The following WNK1 variants were observed in gnomAD, a reference collection of about 807,000 sequenced individuals.
WNK1 encodes the protein serine/threonine-protein kinase WNK1.
A neutral mutation model predicts 222.8 loss-of-function variants in WNK1; 38 were observed. That is an observed-to-expected ratio of 0.17 (90% confidence interval 0.13 to 0.22). The LOEUF (loss-of-function observed/expected upper bound fraction) is 0.22, where lower values mean the gene tolerates loss of function less well. Ranked by LOEUF, WNK1 falls within the 10% of genes least tolerant of loss-of-function variation. WNK1 has a pLI of 1.00. For missense variants in WNK1, 2,348 were observed against 2,918.4 expected (o/e 0.80, Z 4.50); for synonymous variants, 1,090 against 1,092.9 (o/e 1.00, Z 0.05).
At chr12:878,510 T>G (rs1167287452) in intron 10 of WNK1, 149 bp downstream of exon 10, 1 of 873,452 alleles carries the variant, frequency 1.1e-6, no homozygotes, top group African/African-American at 1.7e-5. Context: ...TTAATCTCAT[T>G]GCAGAAATGA....
At chr12:868,498 T>TC (rs1252333833) in intron 8 of WNK1, 3 of 1,613,852 alleles carry the variant, frequency 1.9e-6, no homozygotes, top group Admixed American at 3.3e-5. Context: ...GTCCGGGATC[T>TC]CCCCTCTCTA....
chr12:884,787 A>T lies in WNK1; in HGVS notation c.3983A>T (p.His1328Leu). 1 of 1,614,174 alleles carries T rather than the reference A, an allele frequency of 6.2e-7. No homozygotes were observed. Among genetic ancestry groups the T allele is most frequent in the Non-Finnish European group, 8.5e-7 (1 of 1,180,028 alleles). Residue 1328 changes from histidine (H) to leucine (L), a missense_variant, in exon 19 of 28, where the codon CAT (histidine) becomes CTT (leucine). Physicochemically the swap from His to Leu is moderately conservative, Grantham distance 99. This residue lies in a region of WNK1 where 1,144 missense variants were observed against 1,273.6 expected (regional missense o/e 0.90). Coordinates refer to ENST00000315939, the MANE Select transcript of WNK1 (RefSeq NM_018979.4). The surrounding 1 kb of genome is among the most constrained non-coding windows in gnomAD (Gnocchi z 5.6). ...GPNTAPPNFS[H>L]TGPTFPVVPP... The stretch of plus-strand genomic sequence containing the variant: ...AACACAGCACCTCCAAACTTTAGTC[A>T]TACAGGACCAACATTTCCAGTAGTA...
chr12:757,463 GT>G (rs1940288970), intron 1 of WNK1, among the ~76,000 whole-genome samples: 1 of 151,644 alleles, frequency 6.6e-6, no homozygotes, highest in South Asian at 2.1e-4. Context: ...GTAGCTGGGA[GT>G]ACAGGCGCAC....
At chr12:829,599 A>G (rs1948637607) in intron 3 of WNK1, among the ~76,000 whole-genome samples, 1 of 152,162 alleles carries the variant, frequency 6.6e-6, no homozygotes, top group South Asian at 2.1e-4. Flanking sequence ...TAAACCCATC[A>G]TCTTATCTTA....
Position 865,122 on chromosome 12 carries a change from C to G in WNK1, c.2139+2852C>G, listed in dbSNP as rs786205473. The G allele has an allele frequency of 1.1e-5, 17 of 1,519,108 alleles. No homozygotes were observed. The highest frequency in any genetic ancestry group is 1.5e-5 in the Non-Finnish European group (17 of 1,137,014). The allele number at this position is 1,519,108 out of a possible 1,614,324, so 94.1% of individuals were successfully genotyped here. ...GTTTTGTGTTGAGCCTCGTCGTGGC[C>G]GTAGCATGTCGGTTTGTGTTCCCAT... On this transcript the variant is annotated intron_variant, in intron 8 of 27. Transcript: ENST00000315939.
intron 1 of WNK1, among the ~76,000 whole-genome samples, chr12:799,378 G>C (rs559213167): frequency 6.6e-6 from 1 of 151,502 alleles, no homozygotes; most frequent in African/African-American, 2.4e-5. Flanking sequence ...CAATCTGGCT[G>C]CCTTGGCCTC....
intron 1 of WNK1, among the ~76,000 whole-genome samples, chr12:758,725 C>T (rs61916728): frequency 0.021 from 3,143 of 147,048 alleles, 392 homozygotes; most frequent in Middle Eastern, 0.039. Context: ...TGAGAATCAG[C>T]GTAACTTTCC....
chr12:842,915 T>A (rs1393405777), intron 4 of WNK1, among the ~76,000 whole-genome samples: 1 of 152,000 alleles, frequency 6.6e-6, no homozygotes, highest in Admixed American at 6.6e-5. Context: ...GCTAACAGAC[T>A]CAAGTGATTT....
intron 2 of WNK1, among the ~76,000 whole-genome samples, chr12:821,282 C>T (rs572159104): frequency 7.9e-5 from 12 of 152,050 alleles, no homozygotes; most frequent in East Asian, 1.9e-4. Context: ...ACATTAATAA[C>T]GGTGTTAGTC....
intron 23 of WNK1, 64 bp from the exon 24 acceptor site, chr12:896,007 A>G: frequency 6.2e-7 from 1 of 1,603,064 alleles, no homozygotes; most frequent in Non-Finnish European, 8.5e-7. Flanking sequence ...CCTTTTTTAA[A>G]TTGTCTGTGA....
intron 25 of WNK1, among the ~76,000 whole-genome samples, chr12:899,076 C>T (rs956908901): frequency 6.6e-6 from 1 of 152,138 alleles, no homozygotes; most frequent in African/African-American, 2.4e-5. Flanking sequence ...TAGAGAGTTT[C>T]TAATCCTTTG....
At position 896,553 on chromosome 12, in the gene WNK1, T is replaced by A; in HGVS notation, c.6066T>A (p.Asp2022Glu). The change falls in exon 24 of 28, where the codon GAT (aspartate) becomes GAA (glutamate). Residue 2022 changes from aspartate to glutamate, a missense_variant. Coordinates refer to ENST00000315939, the MANE Select transcript of WNK1 (RefSeq NM_018979.4). ...SDPEAAFLSR[D>E]VDDGSGSPHS... is the part of the protein sequence containing the mutation. ...CGGAGGCCGCTTTTTTAAGTAGGGA[T>A]GTGGATGATGGTTCCGGTAGTCCAC... is the stretch of plus-strand genomic sequence containing the variant. 1 of 1,613,162 alleles carries A rather than the reference T, an allele frequency of 6.2e-7. No homozygotes were observed. The highest frequency in any genetic ancestry group is 1.1e-5 in the South Asian group (1 of 91,014).
intron 2 of WNK1, among the ~76,000 whole-genome samples, chr12:816,968 AAG>A (rs1233564374): frequency 6.6e-6 from 1 of 152,214 alleles, no homozygotes; most frequent in Non-Finnish European, 1.5e-5. Flanking sequence ...TTGAAGGAAA[AAG>A]ACACCAAAGA....
rs1409457396 is a variant in WNK1, at chr12:861,033, T to C, written c.1641T>C (p.Cys547=). 1 of 1,613,520 alleles carries C rather than the reference T, an allele frequency of 6.2e-7. No homozygotes were observed. The highest frequency in any genetic ancestry group is 8.5e-7 in the Non-Finnish European group (1 of 1,179,924). The change falls in exon 7 of 28, where the codon TGT becomes TGC. Residue 547 remains cysteine (C), a synonymous_variant. Coordinates refer to ENST00000315939, the MANE Select transcript of WNK1 (RefSeq NM_018979.4). The part of the protein sequence containing the change: ...AQEMVESGYV[C]EGDHKTMAKA... ...TGTAGGTAGAGTCTGGGTATGTCTG[T>C]GAAGGTGATCACAAGACCATGGCTA... is the stretch of plus-strand genomic sequence containing the variant.
intron 22 of WNK1, among the ~76,000 whole-genome samples, chr12:893,847 T>TAATAATAATAATAATAATAA (rs1555156464): frequency 2.0e-5 from 3 of 149,972 alleles, no homozygotes; most frequent in Non-Finnish European, 3.0e-5. Context: ...ATAATAATAA[T>TAATAATAATAATAATAATAA]TCTGAGAACT....
intron 9 of WNK1, among the ~76,000 whole-genome samples, chr12:875,910 C>T (rs1307832099): frequency 6.6e-6 from 1 of 152,064 alleles, no homozygotes; most frequent in Non-Finnish European, 1.5e-5. Context: ...ATTCACATTC[C>T]TTAAAGTTTA....
rs1956064944 is a variant in WNK1 at position 911,279 on chromosome 12, A to AAAAT, written c.*2491_*2494dup. ...CATTATTTAACAATGTACACTGTTA[A>AAAAT]AAATAAAAATAAAAATTCAAACTTT... On this transcript the variant is annotated 3_prime_UTR_variant, in exon 28 of 28. Coordinates refer to ENST00000315939, the MANE Select transcript of WNK1 (RefSeq NM_018979.4). 2 of 398,468 alleles carry AAAAT rather than the reference A, an allele frequency of 5.0e-6. No homozygotes were observed. Among genetic ancestry groups the AAAAT allele is most frequent in the African/African-American group, 4.1e-5 (2 of 48,640 alleles). 24.7% of individuals were successfully genotyped at this position (398,468 alleles called of 1,614,324 possible).
chr12:763,570 C>G (rs571147412), intron 1 of WNK1, among the ~76,000 whole-genome samples: 1 of 137,072 alleles, frequency 7.3e-6, no homozygotes, highest in Admixed American at 7.3e-5. Flanking sequence ...GCCTGGGCGA[C>G]AAGAGGGAAA....
chr12:834,565 G>A (rs1949039479), intron 4 of WNK1, among the ~76,000 whole-genome samples: 1 of 152,176 alleles, frequency 6.6e-6, no homozygotes, highest in Non-Finnish European at 1.5e-5. Context: ...AGGGAAGCAA[G>A]ATGGGTTTTG....
Sources: gnomAD v4.1 joint callset for allele counts (sites outside exome capture counted in the v4.1 genomes callset) on GRCh38, gnomAD v4.1.1 for gene constraint, gnomAD v4.1.1 regional missense constraint, Gnocchi (gnomAD v3.1) non-coding constraint, MANE v1.5 for transcripts, NCBI Gene and HGNC (gene_info 2026-07-23, HGNC 2026-07-21) for gene names.